The following EYS variants were observed in gnomAD, a reference collection of about 807,000 sequenced individuals.
EYS encodes the protein protein eyes shut homolog.
A neutral mutation model predicts 282.1 loss-of-function variants in EYS; 250 were observed. That is an observed-to-expected ratio of 0.89 (90% confidence interval 0.80 to 0.98). EYS has a LOEUF of 0.98. EYS is among the 50% of genes least tolerant of loss of function. EYS has a pLI of 0.00. For synonymous variants in EYS, 1,355 were observed against 1,282.9 expected, an observed-to-expected ratio of 1.06 and a Z score of -1.20; for missense variants, 4,016 against 3,709.0, an observed-to-expected ratio of 1.08 and a Z score of -2.15.
intron 19 of EYS, among the ~76,000 whole-genome samples, chr6:64,874,468 G>A (rs1449660197): frequency 6.6e-6 from 1 of 152,028 alleles, no homozygotes; most frequent in Non-Finnish European, 1.5e-5. Context: ...TGGGCTTTGG[G>A]CACCTTCACT....
chr6:65,639,379 T>C (rs900235488), intron 2 of EYS, among the ~76,000 whole-genome samples: 1 of 152,102 alleles, frequency 6.6e-6, no homozygotes, highest in Non-Finnish European at 1.5e-5. Context: ...AAAACCTGTA[T>C]ATGTTTATCC....
chr6:65,343,887 A>C, intron 10 of EYS, 151 bp downstream of exon 10: 1 of 677,624 alleles, frequency 1.5e-6, no homozygotes, highest in Non-Finnish European at 2.5e-6. Flanking sequence ...TAGACTGTTG[A>C]GAATTTGTTT....
At chr6:64,478,796 A>G (rs1776353791) in intron 26 of EYS, among the ~76,000 whole-genome samples, 1 of 151,266 alleles carries the variant, frequency 6.6e-6, no homozygotes, top group Admixed American at 6.6e-5. Flanking sequence ...ATAGTATAAT[A>G]ATAGTAATTG....
intron 11 of EYS, among the ~76,000 whole-genome samples, chr6:65,300,231 A>G (rs1768780500): frequency 6.6e-6 from 1 of 152,054 alleles, no homozygotes; most frequent in South Asian, 2.1e-4. Flanking sequence ...GGCTCACTTC[A>G]TAGTGTTTTC....
Position 65,165,045 on chromosome 6 carries a change from T to C in EYS, c.2024-107318A>G, listed in dbSNP as rs569716409. On this transcript the variant is annotated intron_variant, in intron 12 of 42. Coordinates refer to ENST00000503581, the MANE Select transcript of EYS (RefSeq NM_001142800.2). ...GGAATTGAACATATAACTTTAGGGGTACACGGTTAAACCTATAACAGTAGC... is the reference window on the plus strand; with the variant it reads ...GGAATTGAACATATAACTTTAGGGGCACACGGTTAAACCTATAACAGTAGC... Among the ~76,000 whole-genome samples, 12 of 151,384 alleles carry C rather than the reference T, an allele frequency of 7.9e-5. No individual in the cohort carries two copies. The South Asian group carries it at 2.5e-3, about 31-fold the overall frequency.
chr6:63,824,649 G>A (rs1252505007), intron 36 of EYS, among the ~76,000 whole-genome samples: 1 of 152,182 alleles, frequency 6.6e-6, no homozygotes, highest in African/African-American at 2.4e-5. Flanking sequence ...TGAAGGTCCA[G>A]GTCCGTTTGC....
At chr6:64,287,420 A>C (rs1257589919) in intron 30 of EYS, among the ~76,000 whole-genome samples, 1 of 152,174 alleles carries the variant, frequency 6.6e-6, no homozygotes, top group African/African-American at 2.4e-5. Flanking sequence ...ATGAGTACAA[A>C]ATATACATAT....
At chr6:64,285,877 T>A (rs538965236) in intron 30 of EYS, among the ~76,000 whole-genome samples, 1 of 152,240 alleles carries the variant, frequency 6.6e-6, no homozygotes, top group African/African-American at 2.4e-5. Flanking sequence ...TGATTCAAAT[T>A]ATCTCCCACT....
intron 1 of EYS, among the ~76,000 whole-genome samples, chr6:65,687,798 G>A (rs558675150): frequency 0.011 from 1,635 of 151,986 alleles, 14 homozygotes; most frequent in Non-Finnish European, 0.016. Context: ...ACAGACAAAC[G>A]CAGAGCCAAA....
At chr6:64,715,827 T>G (rs1356552835) in intron 22 of EYS, among the ~76,000 whole-genome samples, 1 of 152,212 alleles carries the variant, frequency 6.6e-6, no homozygotes, top group Non-Finnish European at 1.5e-5. Flanking sequence ...ACGTCACAGC[T>G]TGAATTCGTT....
chr6:64,423,530 A>G (rs1276332310), intron 28 of EYS, among the ~76,000 whole-genome samples: 2 of 152,186 alleles, frequency 1.3e-5, no homozygotes, highest in Non-Finnish European at 1.5e-5. Context: ...CCAACAGAGG[A>G]ATCGCTTTCC....
At chr6:65,028,242 T>G (rs979797633) in intron 13 of EYS, among the ~76,000 whole-genome samples, 2 of 152,024 alleles carry the variant, frequency 1.3e-5, no homozygotes, top group Non-Finnish European at 2.9e-5. Flanking sequence ...AGTCCCAAAA[T>G]GTTTTGGGAT....
Position 64,653,908 on chromosome 6 carries a change from A to G in EYS, c.3444-27663T>C, listed in dbSNP as rs1214613845. Among the ~76,000 whole-genome samples, 3 of 152,122 alleles carry G rather than the reference A, an allele frequency of 2.0e-5. No homozygotes were observed. The East Asian group carries it at 5.8e-4, about 29-fold the overall frequency. Reference sequence around the variant, plus strand: ...TTTTCATAATATGTGTTATTTCCATAGCCAAATAAATTTGATAATCACAAA... The same window carrying G: ...TTTTCATAATATGTGTTATTTCCATGGCCAAATAAATTTGATAATCACAAA... On this transcript the variant is annotated intron_variant, in intron 22 of 42. Transcript: ENST00000503581.
chr6:64,781,562 G>A (rs1220535412), intron 22 of EYS, among the ~76,000 whole-genome samples: 1 of 130,022 alleles, frequency 7.7e-6, no homozygotes, highest in African/African-American at 2.9e-5. Flanking sequence ...GGGCGACAGA[G>A]CATGACTCCG....
At chr6:64,810,647 T>C (rs1764565097) in intron 22 of EYS, among the ~76,000 whole-genome samples, 1 of 152,048 alleles carries the variant, frequency 6.6e-6, no homozygotes, top group South Asian at 2.1e-4. Flanking sequence ...TCTAAAATAA[T>C]TATAAGAGCA....
At chr6:64,855,719 C>A (rs1258072529) in intron 19 of EYS, among the ~76,000 whole-genome samples, 1 of 152,090 alleles carries the variant, frequency 6.6e-6, no homozygotes, top group East Asian at 1.9e-4. Context: ...ATGTATCCAC[C>A]ATTCTAGTAT....
intron 14 of EYS, among the ~76,000 whole-genome samples, chr6:64,990,495 T>C (rs540499662): frequency 2.0e-5 from 3 of 151,738 alleles, no homozygotes; most frequent in South Asian, 2.1e-4. Context: ...GCTTAATTTG[T>C]CTCATAATTC....
At chr6:65,181,389 T>C (rs841520) in intron 12 of EYS, among the ~76,000 whole-genome samples, 2,855 of 152,086 alleles carry the variant, frequency 0.019, 72 homozygotes, top group African/African-American at 0.065. Context: ...TATCAAAAAA[T>C]GGGTGAAGGA....
At chr6:64,227,066 A>G (rs180731066) in intron 31 of EYS, among the ~76,000 whole-genome samples, 40 of 152,176 alleles carry the variant, frequency 2.6e-4, no homozygotes, top group African/African-American at 7.2e-4. Flanking sequence ...TTATATCTAG[A>G]TGTCTACGCA....
Sources: gnomAD v4.1 joint callset for allele counts (sites outside exome capture counted in the v4.1 genomes callset) on GRCh38, gnomAD v4.1.1 for gene constraint, MANE v1.5 for transcripts, NCBI Gene and HGNC (gene_info 2026-07-23, HGNC 2026-07-21) for gene names.